PC: variants seen among roughly 807,000 people sequenced by gnomAD.
PC encodes pyruvate carboxylase, also known as pyruvate carboxylase, mitochondrial.
Under a neutral mutation model 107.8 loss-of-function variants are expected in PC, and 46 were observed. The ratio of observed to expected loss-of-function variants is 0.43; its 90% CI spans 0.34 to 0.55. The LOEUF (loss-of-function observed/expected upper bound fraction) is 0.55. PC is among the 20% of genes least tolerant of loss of function. PC has a pLI of 0.04. For missense variants in PC, 1,241 were observed against 1,643.1 expected (o/e 0.76, Z 4.23); for synonymous variants, 662 against 684.7 (o/e 0.97, Z 0.52).
chr11:66,882,504 G>A (rs1195314326), intron 3 of PC, among the ~76,000 whole-genome samples: 12 of 152,218 alleles, frequency 7.9e-5, no homozygotes, highest in Admixed American at 7.9e-4. Flanking sequence ...AATCCTCAGA[G>A]GTGTGCTGGA....
chr11:66,957,819 T>C (rs1044216125), intron 1 of PC: 4 of 152,238 alleles, frequency 2.6e-5, no homozygotes, highest in African/African-American at 9.7e-5. Context: ...TAGAGGATCC[T>C]ACGGGAGGCG....
intron 3 of PC, among the ~76,000 whole-genome samples, chr11:66,873,434 TATATATTATATTATATATA>T (rs1946829259): frequency 1.2e-5 from 1 of 85,586 alleles, no homozygotes; most frequent in Non-Finnish European, 2.1e-5. Context: ...TTATATATAT[TATATATTATATTATATATA>T]AAATATATAT....
Position 66,860,039 on chromosome 11 carries a change from C to G in PC, c.1368+3735G>C, listed in dbSNP as rs768460256. 2 of 1,578,958 alleles carry G rather than the reference C, an allele frequency of 1.3e-6. No individual in the cohort carries two copies. Among genetic ancestry groups the G allele is most frequent in the Non-Finnish European group, 1.7e-6 (2 of 1,163,564 alleles). ...CCCCGCCCCGGCCGCAGCGCAGCTG[C>G]TCTCTGGACCTGGGAGATGCCGGGT... On this transcript the variant is annotated intron_variant, in intron 12 of 22. Transcript: ENST00000393960.
chr11:66,908,145 TTCAC>T (rs1359775763), intron 3 of PC, among the ~76,000 whole-genome samples: 1 of 152,044 alleles, frequency 6.6e-6, no homozygotes, highest in African/African-American at 2.4e-5. Flanking sequence ...GTGTTCGAGT[TTCAC>T]AAAGAAGGGA....
At chr11:66,941,719 C>T (rs989554196) in intron 3 of PC, among the ~76,000 whole-genome samples, 2 of 152,238 alleles carry the variant, frequency 1.3e-5, no homozygotes, top group African/African-American at 2.4e-5. Flanking sequence ...GTATCGATCT[C>T]CTGACCTCGT....
rs776026598 is a variant in PC, at chr11:66,851,792, G to T, written c.1980C>A (p.Phe660Leu). 1 of 1,614,130 alleles carries T rather than the reference G, an allele frequency of 6.2e-7. No homozygotes were observed. Among genetic ancestry groups the T allele is most frequent in the Non-Finnish European group, 8.5e-7 (1 of 1,179,998 alleles). ...GYTNYPDNVV[F>L]KFCEVAKENG... ...TGCCCACCCCACCCCAGGCTCACTT[G>T]AAGACCACGTTGTCTGGGTAGTTGG... The change falls in exon 16 of 23, where the codon TTC becomes TTA. Residue 660 changes from phenylalanine to leucine, a missense_variant and splice_region_variant. Physicochemically the swap from Phe to Leu is conservative, Grantham distance 22. Around this residue, in one of 2 missense-constraint regions of PC, gnomAD observed 1,143 missense variants for 1,551.9 expected, o/e 0.74. Transcript: ENST00000393960.
chr11:66,924,047 C>T (rs931675934), intron 3 of PC, among the ~76,000 whole-genome samples: 8 of 151,068 alleles, frequency 5.3e-5, no homozygotes, highest in African/African-American at 1.9e-4. Flanking sequence ...TACTAAAATA[C>T]AAAAATTAGC....
rs1241579508 is a variant in PC, at chr11:66,858,641, G to A, written c.1368+5133C>T. The A allele has an allele frequency of 6.5e-6, 10 of 1,539,012 alleles. No homozygotes were observed. In the Admixed American group the frequency reaches 1.4e-4, roughly 21 times the overall value. ...GGGTGCTGGAAGGCCAGCGGGCCAC[G>A]CTGCGGTGCCGGGCCCTGGGTGACC... On this transcript the variant is annotated intron_variant, in intron 12 of 22. Transcript: ENST00000393960. This position sits in a 1 kb window ranked among gnomAD's most constrained non-coding sequence, Gnocchi z 5.9.
At chr11:66,873,530 AT>A in intron 3 of PC, among the ~76,000 whole-genome samples, 1 of 97,964 alleles carries the variant, frequency 1.0e-5, no homozygotes, top group Non-Finnish European at 1.9e-5. Flanking sequence ...ATATATTATA[AT>A]ATATATTATA....
chr11:66,921,944 G>T (rs1363134730), intron 3 of PC, among the ~76,000 whole-genome samples: 1 of 152,192 alleles, frequency 6.6e-6, no homozygotes, highest in Non-Finnish European at 1.5e-5. Context: ...GATCTACAAA[G>T]AGAAAGCTGC....
intron 11 of PC, among the ~76,000 whole-genome samples, chr11:66,865,279 T>C (rs2135911385): frequency 6.6e-6 from 1 of 152,336 alleles, no homozygotes; most frequent in East Asian, 1.9e-4. Flanking sequence ...AAACTCATGT[T>C]TGCTCCCCTC....
chr11:66,890,410 T>C (rs945063431), intron 3 of PC, among the ~76,000 whole-genome samples: 2 of 151,486 alleles, frequency 1.3e-5, no homozygotes, highest in Non-Finnish European at 2.9e-5. Flanking sequence ...TTTTTTTTTT[T>C]TGAGATGGAG....
At chr11:66,911,935 A>G (rs1948344295) in intron 3 of PC, among the ~76,000 whole-genome samples, 1 of 151,922 alleles carries the variant, frequency 6.6e-6, no homozygotes, top group African/African-American at 2.4e-5. Context: ...CGGAAGGCTG[A>G]GGCAGGAGAA....
intron 3 of PC, 32 bp from the exon 4 acceptor site, chr11:66,872,191 C>T (rs1257536500): frequency 1.9e-6 from 3 of 1,564,140 alleles, no homozygotes; most frequent in Non-Finnish European, 2.6e-6. Context: ...CAGGTTAGCG[C>T]AGCCTCAGCA....
chr11:66,930,217 G>A (rs867371567), intron 3 of PC, among the ~76,000 whole-genome samples: 15 of 152,172 alleles, frequency 9.9e-5, no homozygotes, highest in African/African-American at 2.9e-4. Context: ...CTCCCCCCAA[G>A]AAGCTGCAAT....
At chr11:66,850,586 C>G in intron 18 of PC, 88 bp downstream of exon 18, 1 of 1,602,308 alleles carries the variant, frequency 6.2e-7, no homozygotes, top group Non-Finnish European at 8.5e-7. Context: ...AGCAGGGCAT[C>G]TGGATCCTAG....
chr11:66,949,647 C>T (rs1321251172), intron 3 of PC, among the ~76,000 whole-genome samples: 2 of 151,926 alleles, frequency 1.3e-5, no homozygotes, highest in African/African-American at 2.4e-5. Context: ...GCCGAGATCG[C>T]GACAGAGCGA....
In PC at chr11:66,851,922, C is replaced by T. The variant is rs1192915929; in HGVS notation, c.1850G>A (p.Arg617His). ...WGGATFDVAM[R>H]FLYECPWRRL... ...CCGCCAGGGGCACTCATACAGGAAG[C>T]GCATGGCGACGTCAAACGTGGCTCC... Residue 617 changes from arginine (R) to histidine (H), a missense_variant, in exon 16 of 23, where the codon CGC becomes CAC. By Grantham distance (29) the Arg-to-His change is conservative. Around this residue, in one of 2 missense-constraint regions of PC, gnomAD observed 1,143 missense variants for 1,551.9 expected, o/e 0.74. Coordinates refer to ENST00000393960, the MANE Select transcript of PC (RefSeq NM_001040716.2). The T allele has an allele frequency of 8.1e-6, 13 of 1,613,906 alleles. No individual in the cohort carries two copies. The highest frequency in any genetic ancestry group is 2.7e-5 in the African/African-American group (2 of 74,910).
chr11:66,854,730 C>T (rs1325560542), intron 12 of PC, among the ~76,000 whole-genome samples: 2 of 152,202 alleles, frequency 1.3e-5, no homozygotes, highest in Admixed American at 6.5e-5. Flanking sequence ...CCTCTGAGCT[C>T]TCCGTCTCTT....
Sources: gnomAD v4.1 joint callset for allele counts (sites outside exome capture counted in the v4.1 genomes callset) on GRCh38, gnomAD v4.1.1 for gene constraint, gnomAD v4.1.1 regional missense constraint, Gnocchi (gnomAD v3.1) non-coding constraint, MANE v1.5 for transcripts, NCBI Gene and HGNC (gene_info 2026-07-23, HGNC 2026-07-21) for gene names.